Variants in TMEM156 observed in about 807,000 individuals in gnomAD.
TMEM156 encodes transmembrane protein 156.
In TMEM156, 28 loss-of-function variants were observed where a neutral mutation model predicts 30.5. The observed-to-expected ratio is 0.92, with a 90% CI of 0.68 to 1.26. The LOEUF (loss-of-function observed/expected upper bound fraction) is 1.26, where lower values mean the gene tolerates loss of function less well. Among genes scored for constraint, TMEM156 ranks in the 50% most tolerant of loss-of-function variants. TMEM156 has a pLI of 0.00. For missense variants in TMEM156, 351 were observed against 340.6 expected (o/e 1.03, Z -0.24); for synonymous variants, 137 against 119.9 (o/e 1.14, Z -0.93).
Position 38,999,371 on chromosome 4 carries a change from C to A in TMEM156, c.89-462G>T, listed in dbSNP as rs1713178281. 2.6e-5 allele frequency among the ~76,000 whole-genome samples: 4 copies of A among 152,260 alleles called. No individual in the cohort carries two copies. In the South Asian group the frequency reaches 8.3e-4, roughly 32 times the overall value. On this transcript the variant is annotated intron_variant, in intron 1 of 6. Transcript: ENST00000381938. ...CCTGTGAACATTCCCTATTAACTTT[C>A]AGAGAAGAGGTGTCTTTATAAAGAA...
chr4:38,988,791 AG>A, intron 4 of TMEM156, 59 bp downstream of exon 4: 2 of 1,601,428 alleles, frequency 1.2e-6, no homozygotes, highest in Non-Finnish European at 1.7e-6. Flanking sequence ...TGTACTAAAA[AG>A]GAAATGAAAT....
chr4:38,990,750 C>A (rs13113569), intron 3 of TMEM156, among the ~76,000 whole-genome samples: 2 of 151,232 alleles, frequency 1.3e-5, no homozygotes, highest in Admixed American at 6.6e-5. Flanking sequence ...AGTTTGACCC[C>A]CTGATGGAGA....
chr4:38,973,838 G>T (rs990995547), intron 5 of TMEM156, among the ~76,000 whole-genome samples: 2 of 152,002 alleles, frequency 1.3e-5, no homozygotes, highest in African/African-American at 2.4e-5. Context: ...TTGTTTGAGA[G>T]AAATATATTT....
intron 4 of TMEM156, among the ~76,000 whole-genome samples, chr4:38,988,387 C>A (rs1712153219): frequency 6.6e-6 from 1 of 152,146 alleles, no homozygotes; most frequent in Non-Finnish European, 1.5e-5. Flanking sequence ...CCATGCCTGG[C>A]TAATTTTTGT....
At chr4:39,015,575 C>T (rs141066056) in intron 1 of TMEM156, among the ~76,000 whole-genome samples, 2 of 152,294 alleles carry the variant, frequency 1.3e-5, no homozygotes, top group African/African-American at 4.8e-5. Context: ...TTGATTTTAG[C>T]CCGGGGATAC....
At chr4:38,983,425 G>C (rs1321361579) in intron 5 of TMEM156, among the ~76,000 whole-genome samples, 1 of 152,138 alleles carries the variant, frequency 6.6e-6, no homozygotes. Flanking sequence ...TTGAGACACA[G>C]TCTTGCTCTG....
At chr4:38,998,955 GT>G (rs746583501) in intron 1 of TMEM156, 46 bp from the exon 2 acceptor site, 1 of 1,536,902 alleles carries the variant, frequency 6.5e-7, no homozygotes, top group Non-Finnish European at 8.7e-7. Flanking sequence ...AAAGCTTTGA[GT>G]TTTTGGCATT....
At chr4:39,002,867 C>T (rs1396907374) in intron 1 of TMEM156, among the ~76,000 whole-genome samples, 6 of 151,116 alleles carry the variant, frequency 4.0e-5, no homozygotes, top group African/African-American at 1.5e-4. Flanking sequence ...GGGAACATCA[C>T]ACTCTGGGGC....
At chr4:39,010,391 A>G (rs1714027728) in intron 1 of TMEM156, among the ~76,000 whole-genome samples, 1 of 152,170 alleles carries the variant, frequency 6.6e-6, no homozygotes, top group African/African-American at 2.4e-5. Context: ...ATTAGAGAAA[A>G]CTATTCTAAA....
intron 1 of TMEM156, among the ~76,000 whole-genome samples, chr4:39,007,727 G>C (rs945174568): frequency 2.0e-5 from 3 of 152,130 alleles, no homozygotes; most frequent in African/African-American, 7.2e-5. Flanking sequence ...AAAGTGCTGA[G>C]ATTACAGGCA....
At chr4:38,992,830 C>T (rs1481839713) in intron 3 of TMEM156, among the ~76,000 whole-genome samples, 8 of 148,276 alleles carry the variant, frequency 5.4e-5, no homozygotes, top group Admixed American at 1.4e-4. Flanking sequence ...AGCGCGATCT[C>T]GGCTCACTGT....
chr4:38,980,784 G>T, intron 5 of TMEM156: 1 of 237,438 alleles, frequency 4.2e-6, no homozygotes, highest in Non-Finnish European at 6.8e-6. Context: ...AGGGTGGGAG[G>T]GGAGCAGGTT....
intron 6 of TMEM156, among the ~76,000 whole-genome samples, chr4:38,970,431 C>G (rs1467927737): frequency 6.6e-6 from 1 of 152,110 alleles, no homozygotes; most frequent in Admixed American, 6.6e-5. Context: ...CCAATTACCA[C>G]AAAGCACAAT....
chr4:38,969,597 T>C lies in TMEM156; in HGVS notation c.*38+1435A>G, dbSNP rs544281416. ...TTTCTTTTTCCGTTTCTTTCTTTTTTTGTTTTTTAAGACATGGTCTCATTT... is the reference window on the plus strand; with the variant it reads ...TTTCTTTTTCCGTTTCTTTCTTTTTCTGTTTTTTAAGACATGGTCTCATTT... On this transcript the variant is annotated intron_variant, in intron 6 of 6. Coordinates refer to ENST00000381938, the MANE Select transcript of TMEM156 (RefSeq NM_024943.3). Among the ~76,000 whole-genome samples the C allele has an allele frequency of 2.6e-5, 4 of 152,332 alleles. No individual in the cohort carries two copies. In the South Asian group the frequency reaches 8.3e-4, roughly 32 times the overall value.
intron 5 of TMEM156, among the ~76,000 whole-genome samples, chr4:38,974,793 C>G (rs1031248244): frequency 4.0e-5 from 6 of 151,718 alleles, no homozygotes; most frequent in African/African-American, 1.5e-4. Context: ...GTCTCAGCCT[C>G]CCAAGTAGCT....
chr4:38,992,695 TATATAATATATATATA>T, intron 3 of TMEM156, among the ~76,000 whole-genome samples: 1 of 34,922 alleles, frequency 2.9e-5, no homozygotes, highest in African/African-American at 1.1e-4. Context: ...TATAATATAT[TATATAATATATATATA>T]TTATATATAT....
At chr4:39,023,942 A>G (rs1314525176) in intron 1 of TMEM156, among the ~76,000 whole-genome samples, 1 of 152,246 alleles carries the variant, frequency 6.6e-6, no homozygotes, top group Non-Finnish European at 1.5e-5. Flanking sequence ...AAGAAGAGAC[A>G]AAACCAATTT....
chr4:38,994,794 A>G (rs1452876160), intron 2 of TMEM156, among the ~76,000 whole-genome samples: 3 of 152,142 alleles, frequency 2.0e-5, no homozygotes, highest in African/African-American at 7.2e-5. Flanking sequence ...CTAAAAATAC[A>G]AAAATTAGCC....
chr4:39,023,195 G>T (rs1170447757), intron 1 of TMEM156, among the ~76,000 whole-genome samples: 2 of 152,178 alleles, frequency 1.3e-5, no homozygotes, highest in Non-Finnish European at 2.9e-5. Flanking sequence ...ACCCTCATCA[G>T]AATCAACCAT....
Sources: gnomAD v4.1 joint callset for allele counts (sites outside exome capture counted in the v4.1 genomes callset) on GRCh38, gnomAD v4.1.1 for gene constraint, MANE v1.5 for transcripts, NCBI Gene and HGNC (gene_info 2026-07-23, HGNC 2026-07-21) for gene names.